Variants in NDUFC2 observed in about 807,000 individuals in gnomAD.
The protein encoded by NDUFC2 is NADH:ubiquinone oxidoreductase subunit C2.
NDUFC2 carries 2 observed loss-of-function variants against 10.1 expected under a neutral mutation model. That is an observed-to-expected ratio of 0.20 (90% CI 0.08 to 0.62). NDUFC2 has a LOEUF of 0.62. Among genes scored for constraint, NDUFC2 ranks in the 20% least tolerant of loss-of-function variants. The probability of loss-of-function intolerance (pLI) is 0.87; values close to 1 mark genes in which losing one functional copy is unlikely to be tolerated. For missense variants in NDUFC2, 156 were observed against 159.6 expected (o/e 0.98, Z 0.12); for synonymous variants, 61 against 63.6 (o/e 0.96, Z 0.20).
chr11:78,073,126 A>T lies in NDUFC2; in HGVS notation c.182T>A (p.Leu61His). 1.2e-6 allele frequency: 2 copies of T among 1,612,698 alleles called. No homozygotes were observed. Among genetic ancestry groups the T allele is most frequent in the Non-Finnish European group, 1.7e-6 (2 of 1,179,784 alleles). ...AAAAAAAAAGGCCGTAATATATAGA[A>T]GCTGGCGATGCAAACCTGAAATTCA... is the stretch of plus-strand genomic sequence containing the variant. Reference protein sequence around the residue: ...PIATAGLHRQLLYITAFFFAG... With the variant: ...PIATAGLHRQHLYITAFFFAG... Residue 61 changes from leucine to histidine, a missense_variant, in exon 2 of 3, where the codon CTT becomes CAT. Leu to His is a moderately conservative substitution (Grantham distance 99, BLOSUM62 -3). Coordinates refer to ENST00000281031, the MANE Select transcript of NDUFC2 (RefSeq NM_004549.6).
chr11:78,071,596 C>T (rs1220469287), intron 2 of NDUFC2, among the ~76,000 whole-genome samples: 1 of 152,140 alleles, frequency 6.6e-6, no homozygotes, highest in East Asian at 1.9e-4. Flanking sequence ...AGTTAAACTC[C>T]CAGCCTACAG....
At chr11:78,076,217 C>G (rs1328611419) in intron 1 of NDUFC2, among the ~76,000 whole-genome samples, 1 of 151,784 alleles carries the variant, frequency 6.6e-6, no homozygotes, top group Non-Finnish European at 1.5e-5. Flanking sequence ...TCTCGGCTCA[C>G]TGAAATCTCC....
chr11:78,075,642 G>C (rs762361513), intron 1 of NDUFC2, among the ~76,000 whole-genome samples: 33 of 152,110 alleles, frequency 2.2e-4, no homozygotes, highest in Non-Finnish European at 3.8e-4. Flanking sequence ...CTAGAATACA[G>C]AGGCATGATC....
Position 78,068,390 on chromosome 11 carries a change from C to A in NDUFC2, c.*1597G>T, listed in dbSNP as rs1468324602. 1 of 152,210 alleles carries A rather than the reference C, an allele frequency of 6.6e-6. No individual in the cohort carries two copies. Among genetic ancestry groups the A allele is most frequent in the African/African-American group, 2.4e-5 (1 of 41,438 alleles). The allele number at this position is 152,210 out of a possible 1,614,324, so 9.4% of individuals were successfully genotyped here. On this transcript the variant is annotated 3_prime_UTR_variant, in exon 3 of 3. Transcript: ENST00000281031. ...ATTATTTCTAAAGCACTTTCCTCAA[C>A]CTAATTTCAGTTTTTACAATTGGTA...
At chr11:78,076,308 A>AT (rs2136838597) in intron 1 of NDUFC2, among the ~76,000 whole-genome samples, 1 of 152,192 alleles carries the variant, frequency 6.6e-6, no homozygotes, top group African/African-American at 2.4e-5. Context: ...CGCCTGGCTA[A>AT]TTTTTGTATT....
rs1858883284 is a variant in NDUFC2, at chr11:78,069,243, T to C, written c.*744A>G. The stretch of plus-strand genomic sequence containing the variant: ...GTAACCTCATTCCAGTTAGGTACAG[T>C]CTTTTGCTTCTAATTGCACCAAGCT... On this transcript the variant is annotated 3_prime_UTR_variant, in exon 3 of 3. Coordinates refer to ENST00000281031, the MANE Select transcript of NDUFC2 (RefSeq NM_004549.6). The C allele has an allele frequency of 6.6e-6, 1 of 152,306 alleles. No homozygotes were observed. Among genetic ancestry groups the C allele is most frequent in the Non-Finnish European group, 1.5e-5 (1 of 68,144 alleles). 9.4% of individuals were successfully genotyped at this position (152,306 alleles called of 1,614,324 possible).
intron 1 of NDUFC2, among the ~76,000 whole-genome samples, chr11:78,073,466 T>C (rs1859105407): frequency 6.6e-6 from 1 of 151,570 alleles, no homozygotes; most frequent in Non-Finnish European, 1.5e-5. Context: ...CACTCCAGCC[T>C]GGGTGACAAA....
chr11:78,079,075 G>A (rs1421485595), intron 1 of NDUFC2, among the ~76,000 whole-genome samples: 2 of 140,206 alleles, frequency 1.4e-5, no homozygotes, highest in African/African-American at 5.3e-5. Flanking sequence ...TGCACATTAA[G>A]TTTGAGAAGC....
rs1004203637 is a variant in NDUFC2 at position 78,079,778 on chromosome 11, G to A, written c.-34C>T. The A allele has an allele frequency of 1.3e-6, 2 of 1,583,472 alleles. No homozygotes were observed. The highest frequency in any genetic ancestry group is 3.9e-5 in the Admixed American group (2 of 51,804). ...CGTTTCCACTTGAGGCCTGGTCTCA[G>A]ACCACGAACTACAAGGAAAACCACG... On this transcript the variant is annotated 5_prime_UTR_variant, in exon 1 of 3. Coordinates refer to ENST00000281031, the MANE Select transcript of NDUFC2 (RefSeq NM_004549.6).
intron 1 of NDUFC2, among the ~76,000 whole-genome samples, chr11:78,078,276 T>A (rs1859333864): frequency 6.6e-6 from 1 of 152,190 alleles, no homozygotes; most frequent in Admixed American, 6.5e-5. Context: ...CTCAAAAGCT[T>A]ACAAAGTTCC....
In NDUFC2 at chr11:78,079,768, C is replaced by T. The variant is rs1217960339; in HGVS notation, c.-24G>A. 1 of 1,596,730 alleles carries T rather than the reference C, an allele frequency of 6.3e-7. No individual in the cohort carries two copies. Among genetic ancestry groups the T allele is most frequent in the Non-Finnish European group, 8.5e-7 (1 of 1,173,790 alleles). ...ATGGTGACGCCGTTTCCACTTGAGG[C>T]CTGGTCTCAGACCACGAACTACAAG... On this transcript the variant is annotated 5_prime_UTR_variant, in exon 1 of 3. Transcript: ENST00000281031.
chr11:78,071,697 A>G (rs1859014678), intron 2 of NDUFC2, among the ~76,000 whole-genome samples: 1 of 152,230 alleles, frequency 6.6e-6, no homozygotes. Flanking sequence ...GATTCATAGC[A>G]GACTAGAGAT....
intron 1 of NDUFC2, among the ~76,000 whole-genome samples, chr11:78,077,425 T>A (rs1439226110): frequency 2.0e-5 from 3 of 152,210 alleles, no homozygotes; most frequent in African/African-American, 7.2e-5. Flanking sequence ...AGAATCTCAC[T>A]CAATTCTCAC....
Position 78,074,458 on chromosome 11 carries a change from C to T in NDUFC2, c.167-1317G>A, listed in dbSNP as rs1188029094. 3.3e-5 allele frequency among the ~76,000 whole-genome samples: 5 copies of T among 151,764 alleles called. No individual in the cohort carries two copies. In the South Asian group the frequency reaches 8.3e-4, roughly 25 times the overall value. ...TGAAACTCCGTCTCTACTAAAAATA[C>T]AAAAATTAGCCGGGCGTGGTAGCAC... is the stretch of plus-strand genomic sequence containing the variant. On this transcript the variant is annotated intron_variant, in intron 1 of 2. Coordinates refer to ENST00000281031, the MANE Select transcript of NDUFC2 (RefSeq NM_004549.6).
chr11:78,078,210 T>C (rs948877004), intron 1 of NDUFC2, among the ~76,000 whole-genome samples: 26 of 152,214 alleles, frequency 1.7e-4, no homozygotes, highest in Admixed American at 1.6e-3. Flanking sequence ...ACGCCTCACA[T>C]TGCTGACAAA....
At chr11:78,070,706 G>T (rs570415799) in intron 2 of NDUFC2, among the ~76,000 whole-genome samples, 1 of 152,336 alleles carries the variant, frequency 6.6e-6, no homozygotes, top group East Asian at 1.9e-4. Flanking sequence ...TATCCTGACT[G>T]AAGAGGTGAA....
Position 78,075,477 on chromosome 11 carries a change from G to A in NDUFC2, c.167-2336C>T, listed in dbSNP as rs552244376. The stretch of plus-strand genomic sequence containing the variant: ...AATACCACATGTACCCCCAAAATAC[G>A]TACAACTTATTTTTAAAGTCTTATT... On this transcript the variant is annotated intron_variant, in intron 1 of 2. Transcript: ENST00000281031. 1.4e-4 allele frequency among the ~76,000 whole-genome samples: 22 copies of A among 152,180 alleles called. No homozygotes were observed. The South Asian group carries it at 1.7e-3, about 11-fold the overall frequency.
chr11:78,079,734 C>T lies in NDUFC2; in HGVS notation c.11G>A (p.Arg4Gln). ...AAACCGTAAGGGTTCTGGGTTCCGC[C>T]GTGCGATCATGGTGACGCCGTTTCC... MIA[R>Q]RNPEPLRFLP... Residue 4 changes from arginine to glutamine, a missense_variant, in exon 1 of 3, where the codon CGG becomes CAG. Arg to Gln is a conservative substitution (Grantham distance 43). Coordinates refer to ENST00000281031, the MANE Select transcript of NDUFC2 (RefSeq NM_004549.6). 1 of 1,606,946 alleles carries T rather than the reference C, an allele frequency of 6.2e-7. No individual in the cohort carries two copies. The highest frequency in any genetic ancestry group is 2.3e-5 in the East Asian group (1 of 44,444).
rs1387080681 is a variant in NDUFC2 at position 78,068,860 on chromosome 11, A to G, written c.*1127T>C. ...GATTATAAATTCTAAGCTAGGAAAC[A>G]AAAACTTTTGGGACAAGTACTTTTT... On this transcript the variant is annotated 3_prime_UTR_variant, in exon 3 of 3. Coordinates refer to ENST00000281031, the MANE Select transcript of NDUFC2 (RefSeq NM_004549.6). 1 of 152,076 alleles carries G rather than the reference A, an allele frequency of 6.6e-6. No individual in the cohort carries two copies. The highest frequency in any genetic ancestry group is 1.5e-5 in the Non-Finnish European group (1 of 68,018). The allele number at this position is 152,076 out of a possible 1,614,324, so 9.4% of individuals were successfully genotyped here.
Sources: gnomAD v4.1 joint callset for allele counts (sites outside exome capture counted in the v4.1 genomes callset) on GRCh38, gnomAD v4.1.1 for gene constraint, MANE v1.5 for transcripts, NCBI Gene and HGNC (gene_info 2026-07-23, HGNC 2026-07-21) for gene names.